The following DOCK8 variants were observed in gnomAD, a reference collection of about 807,000 sequenced individuals.
DOCK8 encodes the protein dedicator of cytokinesis 8, also known as dedicator of cytokinesis protein 8.
Under a neutral mutation model 245.6 loss-of-function variants are expected in DOCK8, and 141 were observed. The observed-to-expected ratio is 0.57, with a 90% CI of 0.50 to 0.66. DOCK8 has a LOEUF of 0.66. Among genes scored for constraint, DOCK8 ranks in the 30% least tolerant of loss-of-function variants. The pLI is 0.00. For missense variants in DOCK8, 2,965 were observed against 2,603.4 expected (o/e 1.14, Z -3.02); for synonymous variants, 1,168 against 970.2 (o/e 1.20, Z -3.79).
chr9:368,318 A>G (rs1316693646), intron 15 of DOCK8, 183 bp downstream of exon 15: 1 of 742,216 alleles, frequency 1.3e-6, no homozygotes, highest in African/African-American at 1.7e-5. Context: ...TTACTTGACG[A>G]TCTCTTTCTC....
intron 41 of DOCK8, 118 bp from the exon 42 acceptor site, chr9:441,757 A>C (rs1429477727): frequency 7.6e-7 from 1 of 1,310,008 alleles, no homozygotes; most frequent in Non-Finnish European, 1.1e-6. Flanking sequence ...ATTTCTGTTT[A>C]CATCAGCCAT....
intron 42 of DOCK8, among the ~76,000 whole-genome samples, chr9:442,345 GTAGA>G (rs1197791766): frequency 2.6e-5 from 4 of 152,188 alleles, no homozygotes; most frequent in South Asian, 2.1e-4. Context: ...GTTTATACTA[GTAGA>G]TAGAGAGTAG....
At chr9:447,399 G>A (rs546140152) in intron 44 of DOCK8, among the ~76,000 whole-genome samples, 10 of 152,056 alleles carry the variant, frequency 6.6e-5, no homozygotes, top group South Asian at 4.1e-4. Flanking sequence ...AACCACACCC[G>A]TAGTGCTTTG....
intron 43 of DOCK8, among the ~76,000 whole-genome samples, chr9:443,953 T>A (rs1317683774): frequency 6.6e-6 from 1 of 152,162 alleles, no homozygotes; most frequent in African/African-American, 2.4e-5. Flanking sequence ...CTTTACTGCC[T>A]TTTTATAAAA....
chr9:444,365 T>TAATAATAATAAA (rs57457383), intron 43 of DOCK8, among the ~76,000 whole-genome samples: 1 of 150,088 alleles, frequency 6.7e-6, no homozygotes, highest in Non-Finnish European at 1.5e-5. Context: ...ATAATAATAA[T>TAATAATAATAAA]TTGGGAGTTT....
Position 328,104 on chromosome 9 carries a change from C to G in DOCK8, c.977C>G (p.Ser326Ter). ...GCTCACACGCCTTCAGTGGCCGCATCAAGTCAGGCGAGATCTGCAGTCTTC... is the reference window on the plus strand; with the variant it reads ...GCTCACACGCCTTCAGTGGCCGCATGAAGTCAGGCGAGATCTGCAGTCTTC... ...LRAHTPSVAASSQARSAVFSV... is the reference protein window; with the variant it reads ...LRAHTPSVAA Residue 326 changes from serine (S) to a stop codon, truncating the protein, a stop_gained, in exon 9 of 48, where the codon TCA becomes TGA. Coordinates refer to ENST00000432829, the MANE Select transcript of DOCK8 (RefSeq NM_203447.4). LOFTEE classifies it high-confidence loss of function. 1 of 1,614,176 alleles carries G rather than the reference C, an allele frequency of 6.2e-7. No individual in the cohort carries two copies. The highest frequency in any genetic ancestry group is 2.2e-5 in the East Asian group (1 of 44,874).
intron 3 of DOCK8, among the ~76,000 whole-genome samples, 173 bp from the exon 4 acceptor site, chr9:289,337 A>G (rs2048945822): frequency 6.6e-6 from 1 of 152,196 alleles, no homozygotes; most frequent in African/African-American, 2.4e-5. Context: ...TCAAAGTAAA[A>G]ATGTTTATTG....
intron 1 of DOCK8, among the ~76,000 whole-genome samples, chr9:248,150 C>G (rs1429635951): frequency 1.3e-5 from 2 of 152,232 alleles, no homozygotes; most frequent in Admixed American, 1.3e-4. Flanking sequence ...AACAGCATCT[C>G]TGAGGTGTCA....
In DOCK8 at chr9:214,911, G is replaced by A; in HGVS notation, c.-66G>A. 1 of 1,603,804 alleles carries A rather than the reference G, an allele frequency of 6.2e-7. No individual in the cohort carries two copies. The highest frequency in any genetic ancestry group is 8.5e-7 in the Non-Finnish European group (1 of 1,176,840). ...GCTGGGCATGTTCCGCGGCTACTCT[G>A]CGGCGCGCCAGGCCCCCGCTTTCCG... On this transcript the variant is annotated 5_prime_UTR_variant, in exon 1 of 48. Coordinates refer to ENST00000432829, the MANE Select transcript of DOCK8 (RefSeq NM_203447.4).
At position 286,557 on chromosome 9, in the gene DOCK8, G is replaced by T. The variant is rs2048831599; in HGVS notation, c.253G>T (p.Asp85Tyr). Reference protein sequence around the residue: ...LDVQLAQELGDFTDDDLDVVF... With the variant: ...LDVQLAQELGYFTDDDLDVVF... Reference sequence around the variant, plus strand: ...TGTGCAGCTTGCCCAGGAGCTCGGGGACTTCACTGATGACGACTTGGACGT... The same window carrying T: ...TGTGCAGCTTGCCCAGGAGCTCGGGTACTTCACTGATGACGACTTGGACGT... The change falls in exon 3 of 48, where the codon GAC (aspartate) becomes TAC (tyrosine). Residue 85 changes from aspartate (D) to tyrosine (Y), a missense_variant. Transcript: ENST00000432829. 10 of 1,614,032 alleles carry T rather than the reference G, an allele frequency of 6.2e-6. No individual in the cohort carries two copies. In the East Asian group the frequency reaches 1.6e-4, roughly 25 times the overall value.
At chr9:384,511 G>A (rs945797552) in intron 22 of DOCK8, among the ~76,000 whole-genome samples, 29 of 152,302 alleles carry the variant, frequency 1.9e-4, no homozygotes, top group Admixed American at 1.6e-3. Flanking sequence ...ATACTGCCCC[G>A]CTGTGTGGCC....
At position 428,455 on chromosome 9, in the gene DOCK8, C is replaced by T; in HGVS notation, c.4432C>T (p.Leu1478=). The change falls in exon 35 of 48, where the codon CTG becomes TTG. Residue 1478 remains leucine (L), a synonymous_variant. Coordinates refer to ENST00000432829, the MANE Select transcript of DOCK8 (RefSeq NM_203447.4). ...GAACTGTGATCAGAGTACCACCTACCTGACTCACTGCTTTGCAACACTCCG... is the reference window on the plus strand; with the variant it reads ...GAACTGTGATCAGAGTACCACCTACTTGACTCACTGCTTTGCAACACTCCG... ...SLNCDQSTTY[L]THCFATLRAL... is the part of the protein sequence containing the mutation. The T allele has an allele frequency of 1.2e-6, 2 of 1,614,192 alleles. No homozygotes were observed. The highest frequency in any genetic ancestry group is 1.7e-6 in the Non-Finnish European group (2 of 1,180,032).
At position 420,945 on chromosome 9, in the gene DOCK8, C is replaced by T. The variant is rs111306749; in HGVS notation, c.4024-4C>T. On this transcript the variant is annotated splice_region_variant and splice_polypyrimidine_tract_variant and intron_variant, in intron 31 of 47. Transcript: ENST00000432829. ...ACATGTCCTCCTACCTCTGTCTTGT[C>T]CAGGGAAAACAGAGTTCTGACAAAG... The T allele has an allele frequency of 1.6e-3, 2,523 of 1,614,170 alleles. 11 individuals carry two copies. The highest frequency in any genetic ancestry group is 1.2e-3 in the Non-Finnish European group (1,410 of 1,180,034).
chr9:353,041 A>G (rs2052252527), intron 14 of DOCK8, among the ~76,000 whole-genome samples: 1 of 152,176 alleles, frequency 6.6e-6, no homozygotes, highest in Non-Finnish European at 1.5e-5. Context: ...TGTGTGTCAG[A>G]CACTATGCTT....
At chr9:334,736 C>G (rs919944682) in intron 11 of DOCK8, among the ~76,000 whole-genome samples, 2 of 151,768 alleles carry the variant, frequency 1.3e-5, no homozygotes, top group Non-Finnish European at 2.9e-5. Flanking sequence ...ACACCATGGT[C>G]GACTCCTAAA....
At chr9:243,478 A>G (rs1195912773) in intron 1 of DOCK8, among the ~76,000 whole-genome samples, 1 of 152,166 alleles carries the variant, frequency 6.6e-6, no homozygotes, top group African/African-American at 2.4e-5. Flanking sequence ...TTTCAGATGC[A>G]AAGTGGAAAG....
chr9:327,626 A>G (rs1206918195), intron 8 of DOCK8, among the ~76,000 whole-genome samples: 1 of 152,104 alleles, frequency 6.6e-6, no homozygotes, highest in Non-Finnish European at 1.5e-5. Context: ...CAAACTCGTG[A>G]GCTCAAGCAA....
At chr9:356,043 C>G (rs959617952) in intron 14 of DOCK8, among the ~76,000 whole-genome samples, 2 of 152,194 alleles carry the variant, frequency 1.3e-5, no homozygotes, top group Non-Finnish European at 2.9e-5. Context: ...ACATGGGGCT[C>G]TAGCTGGTGA....
intron 4 of DOCK8, among the ~76,000 whole-genome samples, chr9:292,952 A>G (rs1316718801): frequency 1.3e-5 from 2 of 152,170 alleles, no homozygotes; most frequent in Non-Finnish European, 2.9e-5. Flanking sequence ...CTACAGAAGC[A>G]ATGGTTACCC....
Sources: gnomAD v4.1 joint callset for allele counts (sites outside exome capture counted in the v4.1 genomes callset) on GRCh38, gnomAD v4.1.1 for gene constraint, MANE v1.5 for transcripts, NCBI Gene and HGNC (gene_info 2026-07-23, HGNC 2026-07-21) for gene names.